Variants in DOCK2 observed in about 807,000 individuals in gnomAD.
DOCK2 encodes the protein dedicator of cytokinesis 2.
In DOCK2, 87 loss-of-function variants were observed where a neutral mutation model predicts 248.9. The observed-to-expected ratio is 0.35, with a 90% confidence interval of 0.29 to 0.42. DOCK2 has a LOEUF of 0.42. Among genes scored for constraint, DOCK2 ranks in the 10% least tolerant of loss-of-function variants. The pLI is 1.00. For synonymous variants in DOCK2, 805 were observed against 821.6 expected (o/e 0.98, Z 0.35); for missense variants, 1,747 against 2,300.2 (o/e 0.76, Z 4.92).
chr5:170,057,269 T>C (rs573796523), intron 43 of DOCK2: 18 of 430,598 alleles, frequency 4.2e-5, no homozygotes, highest in African/African-American at 3.6e-4. Flanking sequence ...GAGAGTCTAA[T>C]GAACACTGGG....
chr5:169,939,072 T>G (rs951599712), intron 27 of DOCK2, among the ~76,000 whole-genome samples: 1 of 151,858 alleles, frequency 6.6e-6, no homozygotes, highest in Admixed American at 6.6e-5. Flanking sequence ...CCCTGCTAAT[T>G]TTTTTGTATT....
intron 27 of DOCK2, among the ~76,000 whole-genome samples, chr5:169,890,821 C>A (rs1448461450): frequency 6.6e-6 from 1 of 152,062 alleles, no homozygotes; most frequent in African/African-American, 2.4e-5. Flanking sequence ...GTATTCACAC[C>A]CAGGTCTCCA....
rs556764022 is a variant in DOCK2, at chr5:169,681,185, G to A, written c.471-559G>A. 2.0e-4 allele frequency among the ~76,000 whole-genome samples: 28 copies of A among 138,604 alleles called. No homozygotes were observed. The Middle Eastern group carries it at 0.021, about 102-fold the overall frequency. The allele number at this position is 138,604 out of a possible 152,430, so 90.9% of individuals were successfully genotyped here. A position where few individuals can be genotyped will look rare whatever the true frequency, so the allele number is the denominator to read the frequency against. On this transcript the variant is annotated intron_variant, in intron 6 of 51. Coordinates refer to ENST00000520908, the MANE Select transcript of DOCK2 (RefSeq NM_004946.3). ...GTCACCGAGGCTGGAGTGCAGTGGT[G>A]CAATCTCGGCTCGCTGCAACTTCCG...
chr5:170,003,308 A>G (rs1754906815), intron 30 of DOCK2, among the ~76,000 whole-genome samples: 1 of 152,236 alleles, frequency 6.6e-6, no homozygotes, highest in African/African-American at 2.4e-5. Flanking sequence ...CACTAGCCAA[A>G]GGCAACCCAG....
chr5:169,853,804 C>CT (rs67124138), intron 27 of DOCK2, among the ~76,000 whole-genome samples: 13 of 56,856 alleles, frequency 2.3e-4, no homozygotes, highest in Admixed American at 3.3e-4. Context: ...GGAAAAACAA[C>CT]TTTTTTTTTT....
intron 27 of DOCK2, among the ~76,000 whole-genome samples, chr5:169,930,891 A>C (rs1581434681): frequency 6.6e-6 from 1 of 152,180 alleles, no homozygotes. Flanking sequence ...CCATACACAT[A>C]AATACAATAA....
chr5:169,805,764 C>T (rs1581215913), intron 26 of DOCK2, among the ~76,000 whole-genome samples: 1 of 152,216 alleles, frequency 6.6e-6, no homozygotes, highest in African/African-American at 2.4e-5. Context: ...ATACTTAGGG[C>T]TTCAAAGCCA....
chr5:169,760,776 A>G (rs916002997), intron 24 of DOCK2, among the ~76,000 whole-genome samples: 5 of 152,158 alleles, frequency 3.3e-5, no homozygotes, highest in African/African-American at 4.8e-5. Flanking sequence ...TCCATGCCAA[A>G]TGGGACCCAG....
chr5:169,644,771 C>T (rs1757356526), intron 1 of DOCK2, among the ~76,000 whole-genome samples: 1 of 152,024 alleles, frequency 6.6e-6, no homozygotes, highest in South Asian at 2.1e-4. Context: ...AGCTATTTGT[C>T]CTAATGCTCT....
chr5:169,702,456 C>T (rs749276639), intron 14 of DOCK2, 29 bp downstream of exon 14: 1 of 1,612,198 alleles, frequency 6.2e-7, no homozygotes, highest in South Asian at 1.1e-5. Flanking sequence ...CTCTGGGTGA[C>T]AGGGTCCGCC....
At chr5:169,992,798 G>C (rs879858906) in intron 29 of DOCK2, among the ~76,000 whole-genome samples, 14 of 151,936 alleles carry the variant, frequency 9.2e-5, no homozygotes, top group Non-Finnish European at 1.6e-4. Context: ...AGAAAAATGA[G>C]AAGAAAAATG....
intron 27 of DOCK2, among the ~76,000 whole-genome samples, chr5:169,858,241 C>G (rs1398726586): frequency 6.6e-6 from 1 of 152,156 alleles, no homozygotes; most frequent in Admixed American, 6.5e-5. Context: ...AAGAATGACG[C>G]AGATATATGT....
intron 26 of DOCK2, among the ~76,000 whole-genome samples, chr5:169,824,894 T>C (rs1404726798): frequency 6.6e-6 from 1 of 151,996 alleles, no homozygotes. Flanking sequence ...GGCTAATATC[T>C]AGAATCTACA....
chr5:170,040,724 G>T (rs1756487825), intron 36 of DOCK2: 1 of 247,348 alleles, frequency 4.0e-6, no homozygotes, highest in East Asian at 6.4e-5. Flanking sequence ...TCATTATCAA[G>T]TTGCATGTTA....
chr5:169,776,661 C>T (rs982756639), intron 25 of DOCK2, among the ~76,000 whole-genome samples: 1 of 152,182 alleles, frequency 6.6e-6, no homozygotes, highest in Non-Finnish European at 1.5e-5. Flanking sequence ...ATAACCCCCA[C>T]GTGTCAAGGG....
intron 27 of DOCK2, among the ~76,000 whole-genome samples, chr5:169,927,604 G>A (rs1016099930): frequency 2.6e-5 from 4 of 152,214 alleles, no homozygotes; most frequent in African/African-American, 9.6e-5. Context: ...TGATCAGGAG[G>A]TAAAACATAT....
intron 6 of DOCK2, among the ~76,000 whole-genome samples, chr5:169,675,169 G>A (rs920332539): frequency 4.6e-5 from 7 of 152,144 alleles, no homozygotes; most frequent in South Asian, 2.1e-4. Flanking sequence ...CCAGAGTCGC[G>A]CAGCTAGTAA....
chr5:169,757,883 AG>A (rs1764275096), intron 23 of DOCK2, among the ~76,000 whole-genome samples: 1 of 152,226 alleles, frequency 6.6e-6, no homozygotes, highest in South Asian at 2.1e-4. Flanking sequence ...AAAATCTACA[AG>A]ATTGTATGTC....
chr5:169,805,405 T>C (rs931781955), intron 26 of DOCK2, among the ~76,000 whole-genome samples: 4 of 151,978 alleles, frequency 2.6e-5, no homozygotes, highest in Non-Finnish European at 5.9e-5. Context: ...TGACTCTCTG[T>C]CTTAAAAAAA....
Sources: gnomAD v4.1 joint callset for allele counts (sites outside exome capture counted in the v4.1 genomes callset) on GRCh38, gnomAD v4.1.1 for gene constraint, MANE v1.5 for transcripts, NCBI Gene and HGNC (gene_info 2026-07-23, HGNC 2026-07-21) for gene names.